Variants in CDK6 observed in about 807,000 individuals in gnomAD.
CDK6 encodes cyclin-dependent kinase 6.
A neutral mutation model predicts 37.1 loss-of-function variants in CDK6; 6 were observed. That is an observed-to-expected ratio of 0.16 (90% CI 0.09 to 0.32). The LOEUF (loss-of-function observed/expected upper bound fraction) is 0.32, where lower values mean the gene tolerates loss of function less well. CDK6 is among the 10% of genes least tolerant of loss of function. The probability of loss-of-function intolerance (pLI) is 1.00; values close to 1 mark genes in which losing one functional copy is unlikely to be tolerated. For missense variants in CDK6, 224 were observed against 418.9 expected, an observed-to-expected ratio of 0.53 and a Z score of 4.06; for synonymous variants, 160 against 161.3, an observed-to-expected ratio of 0.99 and a Z score of 0.06.
At chr7:92,710,869 A>G (rs1372035499) in intron 4 of CDK6, 1 of 985,238 alleles carries the variant, frequency 1.0e-6, no homozygotes, top group Non-Finnish European at 1.2e-6. Context: ...AGTTACAGCC[A>G]TGGACCTGAG....
chr7:92,614,891 T>A lies in CDK6; in HGVS notation c.*249A>T. ...GTCAGCAGCTTCTCTTCTTCTGGAA[T>A]TTTTCCAGGTTCTTGAAACAAACAG... On this transcript the variant is annotated 3_prime_UTR_variant, in exon 8 of 8. Coordinates refer to ENST00000424848, the MANE Select transcript of CDK6 (RefSeq NM_001145306.2). 2 of 421,400 alleles carry A rather than the reference T, an allele frequency of 4.7e-6. No individual in the cohort carries two copies. Among genetic ancestry groups the A allele is most frequent in the South Asian group, 1.3e-4 (2 of 15,622 alleles). The allele number at this position is 421,400 out of a possible 1,614,324, so 26.1% of individuals were successfully genotyped here. A position where few individuals can be genotyped will look rare whatever the true frequency, so the allele number is the denominator to read the frequency against.
intron 4 of CDK6, among the ~76,000 whole-genome samples, chr7:92,672,538 T>G (rs1467289481): frequency 6.7e-6 from 1 of 150,122 alleles, no homozygotes; most frequent in Non-Finnish European, 1.5e-5. Flanking sequence ...CACAACAATT[T>G]TTCCTGCCAG....
chr7:92,628,514 C>T (rs1795980886), intron 5 of CDK6, among the ~76,000 whole-genome samples: 1 of 152,116 alleles, frequency 6.6e-6, no homozygotes, highest in Non-Finnish European at 1.5e-5. Flanking sequence ...AATTGGAACT[C>T]AATTAATACA....
chr7:92,625,023 T>C (rs2116498785), intron 5 of CDK6, among the ~76,000 whole-genome samples: 1 of 152,196 alleles, frequency 6.6e-6, no homozygotes. Flanking sequence ...TGGACTGTCC[T>C]GGGAGTGAAT....
intron 4 of CDK6, among the ~76,000 whole-genome samples, chr7:92,709,214 TCATCA>T (rs1798032069): frequency 6.6e-6 from 1 of 152,088 alleles, no homozygotes; most frequent in Admixed American, 6.6e-5. Flanking sequence ...ACCAATCCAC[TCATCA>T]CATTGTAGTA....
chr7:92,833,725 C>A lies in CDK6; in HGVS notation c.-367-35G>T. On this transcript the variant is annotated intron_variant, in intron 1 of 7. Transcript: ENST00000424848. The surrounding 1 kb of genome is among the most constrained non-coding windows in gnomAD (Gnocchi z 6.1). ...GAGACGGGAGGATAAGAAGAAAGTG[C>A]AATCAGACAGCCCAGAAGCCTTCCT... 2.3e-6 allele frequency: 1 copy of A among 431,462 alleles called. No homozygotes were observed. Among genetic ancestry groups the A allele is most frequent in the East Asian group, 3.5e-5 (1 of 28,492 alleles). 26.7% of individuals were successfully genotyped at this position (431,462 alleles called of 1,614,324 possible). A position where few individuals can be genotyped will look rare whatever the true frequency, so the allele number is the denominator to read the frequency against.
At chr7:92,626,149 C>G (rs184449739) in intron 5 of CDK6, among the ~76,000 whole-genome samples, 166 of 152,086 alleles carry the variant, frequency 1.1e-3, no homozygotes, top group Admixed American at 2.6e-3. Context: ...ACTTAGTACA[C>G]ACTAATTGAC....
chr7:92,795,674 C>T (rs1039424351), intron 2 of CDK6, among the ~76,000 whole-genome samples: 3 of 152,096 alleles, frequency 2.0e-5, no homozygotes, highest in Non-Finnish European at 2.9e-5. Context: ...CACATTCAGT[C>T]GTGCTATTTC....
intron 5 of CDK6, among the ~76,000 whole-genome samples, chr7:92,642,926 C>T (rs1796346991): frequency 2.7e-5 from 4 of 150,474 alleles, no homozygotes; most frequent in Admixed American, 2.6e-4. Flanking sequence ...ACAGGGTCTA[C>T]CTCTGTCACC....
rs1044189188 is a variant in CDK6 at position 92,605,129 on chromosome 7, C to A, written c.*10011G>T. ...ATATACAAACTATTTGCTCTTTTTGCCTCATTCAATTTAGCTTTCACATAA... is the reference window on the plus strand; with the variant it reads ...ATATACAAACTATTTGCTCTTTTTGACTCATTCAATTTAGCTTTCACATAA... On this transcript the variant is annotated 3_prime_UTR_variant, in exon 8 of 8. Coordinates refer to ENST00000424848, the MANE Select transcript of CDK6 (RefSeq NM_001145306.2). 1.3e-5 allele frequency: 3 copies of A among 232,256 alleles called. No individual in the cohort carries two copies. Among genetic ancestry groups the A allele is most frequent in the African/African-American group, 6.6e-5 (3 of 45,264 alleles). 14.4% of individuals were successfully genotyped at this position (232,256 alleles called of 1,614,324 possible).
Position 92,605,845 on chromosome 7 carries a change from G to A in CDK6, c.*9295C>T, listed in dbSNP as rs999669657. ...TCAGAGAGCTGTGCTGCACCCACAG[G>A]GTGGACCCGACAGGCCACTGTGGTA... On this transcript the variant is annotated 3_prime_UTR_variant, in exon 8 of 8. Coordinates refer to ENST00000424848, the MANE Select transcript of CDK6 (RefSeq NM_001145306.2). 8.6e-6 allele frequency: 2 copies of A among 233,274 alleles called. No homozygotes were observed. Among genetic ancestry groups the A allele is most frequent in the Non-Finnish European group, 1.7e-5 (2 of 118,070 alleles). The allele number at this position is 233,274 out of a possible 1,614,324, so 14.5% of individuals were successfully genotyped here.
intron 4 of CDK6, among the ~76,000 whole-genome samples, chr7:92,722,996 C>T (rs1798402620): frequency 6.6e-6 from 1 of 152,058 alleles, no homozygotes; most frequent in South Asian, 2.1e-4. Flanking sequence ...ACCAGCCTGG[C>T]CAACATGGCA....
At chr7:92,665,820 C>G (rs1277826861) in intron 5 of CDK6, among the ~76,000 whole-genome samples, 2 of 152,198 alleles carry the variant, frequency 1.3e-5, no homozygotes, top group African/African-American at 4.8e-5. Flanking sequence ...AGAAACCCAG[C>G]AGAGTAGAAA....
chr7:92,711,510 G>A (rs1017256483), intron 4 of CDK6, among the ~76,000 whole-genome samples: 34 of 145,660 alleles, frequency 2.3e-4, no homozygotes, highest in Non-Finnish European at 3.1e-4. Context: ...GGATCATTGA[G>A]GATTTTCCCT....
Position 92,743,693 on chromosome 7 carries a change from G to A in CDK6, c.370-17900C>T, listed in dbSNP as rs78203580. Among the ~76,000 whole-genome samples, 10 of 152,294 alleles carry A rather than the reference G, an allele frequency of 6.6e-5. No individual in the cohort carries two copies. In the East Asian group the frequency reaches 1.9e-3, roughly 29 times the overall value. ...ATGGTTTAAACTGACTATATCAAGA[G>A]TTGACAAAGATGGAGAGCAGTCACA... is the stretch of plus-strand genomic sequence containing the variant. On this transcript the variant is annotated intron_variant, in intron 3 of 7. Coordinates refer to ENST00000424848, the MANE Select transcript of CDK6 (RefSeq NM_001145306.2).
chr7:92,612,624 G>A lies in CDK6; in HGVS notation c.*2516C>T, dbSNP rs1728485367. 8.6e-6 allele frequency: 2 copies of A among 233,154 alleles called. No homozygotes were observed. The highest frequency in any genetic ancestry group is 5.6e-5 in the Admixed American group (1 of 17,802). 14.4% of individuals were successfully genotyped at this position (233,154 alleles called of 1,614,324 possible). ...GAAGATAATCTGCCAACGATTGAAT[G>A]CCAGAATGTTTGTGCTTTAATTTTT... On this transcript the variant is annotated 3_prime_UTR_variant, in exon 8 of 8. Transcript: ENST00000424848.
At position 92,812,108 on chromosome 7, in the gene CDK6, T is replaced by C. The variant is rs180887036; in HGVS notation, c.233+20983A>G. 1.8e-4 allele frequency among the ~76,000 whole-genome samples: 27 copies of C among 152,280 alleles called. No individual in the cohort carries two copies. The East Asian group carries it at 5.0e-3, about 28-fold the overall frequency. The stretch of plus-strand genomic sequence containing the variant: ...CAGCCAAGATGGTGCCATTGCACTC[T>C]GGCCTGAGCAACAGAGTGAGACTCC... On this transcript the variant is annotated intron_variant, in intron 2 of 7. Coordinates refer to ENST00000424848, the MANE Select transcript of CDK6 (RefSeq NM_001145306.2).
intron 2 of CDK6, among the ~76,000 whole-genome samples, chr7:92,790,949 G>C (rs1276148561): frequency 6.6e-6 from 1 of 152,132 alleles, no homozygotes; most frequent in Non-Finnish European, 1.5e-5. Context: ...TGTTCCTCTG[G>C]AAAGTGGGCA....
chr7:92,702,220 CT>C (rs3066453), intron 4 of CDK6, among the ~76,000 whole-genome samples: 321 of 44,892 alleles, frequency 7.2e-3, no homozygotes, highest in African/African-American at 9.6e-3. Context: ...CAAGTATATT[CT>C]TTTTTTTTTT....
Sources: gnomAD v4.1 joint callset for allele counts (sites outside exome capture counted in the v4.1 genomes callset) on GRCh38, gnomAD v4.1.1 for gene constraint, Gnocchi (gnomAD v3.1) non-coding constraint, MANE v1.5 for transcripts, NCBI Gene and HGNC (gene_info 2026-07-23, HGNC 2026-07-21) for gene names.